MGMT: variants seen among roughly 807,000 people sequenced by gnomAD.
MGMT encodes the protein O-6-methylguanine-DNA methyltransferase.
In MGMT, 14 loss-of-function variants were observed where a neutral mutation model predicts 15.9. The observed-to-expected ratio is 0.88, with a 90% CI of 0.58 to 1.37. The LOEUF (loss-of-function observed/expected upper bound fraction) is 1.37. Among genes scored for constraint, MGMT ranks in the 40% most tolerant of loss-of-function variants. The probability of loss-of-function intolerance (pLI) is 0.00; values close to 1 mark genes in which losing one functional copy is unlikely to be tolerated. For missense variants in MGMT, 282 were observed against 268.1 expected (o/e 1.05, Z -0.36); for synonymous variants, 130 against 118.2 (o/e 1.10, Z -0.65).
chr10:129,597,495 G>A (rs1240367095), intron 2 of MGMT, among the ~76,000 whole-genome samples: 4 of 151,966 alleles, frequency 2.6e-5, no homozygotes, highest in Admixed American at 6.6e-5. Flanking sequence ...CAAAAAAAAA[G>A]ACAAGCATCA....
At position 129,556,089 on chromosome 10, in the gene MGMT, A is replaced by C. The variant is rs755532163; in HGVS notation, c.125+19712A>C. Among the ~76,000 whole-genome samples, 2 of 152,140 alleles carry C rather than the reference A, an allele frequency of 1.3e-5. No individual in the cohort carries two copies. The highest frequency in any genetic ancestry group is 2.9e-5 in the Non-Finnish European group (2 of 68,014). On this transcript the variant is annotated intron_variant, in intron 2 of 4. Coordinates refer to ENST00000651593, the MANE Select transcript of MGMT (RefSeq NM_002412.5). The surrounding 1 kb of genome is among the most constrained non-coding windows in gnomAD (Gnocchi z 4.3). ...TGTGTCTCCTCAGTTTACAGAGTCC[A>C]TGTTTTTGGTGACTCTTGCCTTGGA...
intron 2 of MGMT, among the ~76,000 whole-genome samples, chr10:129,554,419 T>G (rs1846190788): frequency 6.6e-6 from 1 of 152,254 alleles, no homozygotes; most frequent in Admixed American, 6.5e-5. Context: ...TTCTGACATC[T>G]TTTTAAGCAT....
chr10:129,729,905 C>G (rs187443008), intron 3 of MGMT, among the ~76,000 whole-genome samples: 2 of 152,290 alleles, frequency 1.3e-5, no homozygotes, highest in Non-Finnish European at 2.9e-5. Flanking sequence ...CCACCCACCC[C>G]CTTAGATTTG....
intron 4 of MGMT, among the ~76,000 whole-genome samples, chr10:129,761,473 C>T (rs1006075606): frequency 3.9e-5 from 6 of 152,240 alleles, no homozygotes; most frequent in Non-Finnish European, 8.8e-5. Context: ...TCTCACTCTG[C>T]AGTGGAGATG....
chr10:129,749,443 G>A lies in MGMT; in HGVS notation c.275-9759G>A, dbSNP rs146419362. On this transcript the variant is annotated intron_variant, in intron 3 of 4. Coordinates refer to ENST00000651593, the MANE Select transcript of MGMT (RefSeq NM_002412.5). ...TAGCAATATACATTTAGTTTTCTCCGTGTCTTCTGCATAGCTCATTTTTTT... is the reference window on the plus strand; with the variant it reads ...TAGCAATATACATTTAGTTTTCTCCATGTCTTCTGCATAGCTCATTTTTTT... Among the ~76,000 whole-genome samples the A allele has an allele frequency of 3.6e-3, 551 of 152,136 alleles. 4 individuals are homozygous for A. Among genetic ancestry groups the A allele is most frequent in the African/African-American group, 0.013 (520 of 41,488 alleles).
chr10:129,521,807 G>A (rs1014773077), intron 1 of MGMT, among the ~76,000 whole-genome samples: 9 of 152,246 alleles, frequency 5.9e-5, no homozygotes, highest in Admixed American at 6.5e-5. Context: ...GGGGGCCGCA[G>A]CTGAGGCCTG....
At chr10:129,683,807 T>C (rs1847878420) in intron 2 of MGMT, among the ~76,000 whole-genome samples, 2 of 152,218 alleles carry the variant, frequency 1.3e-5, no homozygotes, top group Non-Finnish European at 2.9e-5. Flanking sequence ...AGGAAAGCCC[T>C]CTGGAGATTT....
intron 1 of MGMT, among the ~76,000 whole-genome samples, chr10:129,512,900 G>A (rs1014750195): frequency 7.0e-6 from 1 of 143,460 alleles, no homozygotes; most frequent in Admixed American, 7.0e-5. Context: ...TACCCCTAAG[G>A]ACATACCCCC....
chr10:129,616,937 C>G (rs1564738371), intron 2 of MGMT, among the ~76,000 whole-genome samples: 1 of 152,108 alleles, frequency 6.6e-6, no homozygotes, highest in Non-Finnish European at 1.5e-5. Flanking sequence ...CTTTATTGAG[C>G]AAATTCATAA....
chr10:129,578,037 G>A (rs2133044320), intron 2 of MGMT, among the ~76,000 whole-genome samples: 1 of 152,290 alleles, frequency 6.6e-6, no homozygotes, highest in South Asian at 2.1e-4. Context: ...GAAACAACAG[G>A]TGCTGGAGAG....
intron 2 of MGMT, among the ~76,000 whole-genome samples, chr10:129,621,872 A>T (rs1847094666): frequency 6.6e-6 from 1 of 152,224 alleles, no homozygotes; most frequent in Non-Finnish European, 1.5e-5. Context: ...CCTGCATGTA[A>T]GTAGAGCTAT....
At chr10:129,649,042 C>T (rs556857478) in intron 2 of MGMT, among the ~76,000 whole-genome samples, 1 of 152,298 alleles carries the variant, frequency 6.6e-6, no homozygotes, top group Admixed American at 6.5e-5. Context: ...TTTCCTGTGG[C>T]TGTGGGATTT....
chr10:129,708,905 G>A (rs1372402653), intron 3 of MGMT, among the ~76,000 whole-genome samples: 4 of 152,170 alleles, frequency 2.6e-5, no homozygotes, highest in Non-Finnish European at 5.9e-5. Flanking sequence ...AATTGCTGCG[G>A]TGCTTCTCAG....
At chr10:129,594,750 T>C (rs1475860267) in intron 2 of MGMT, among the ~76,000 whole-genome samples, 1 of 152,212 alleles carries the variant, frequency 6.6e-6, no homozygotes, top group African/African-American at 2.4e-5. Context: ...ATCTCTCTCC[T>C]ACCACAGATA....
intron 2 of MGMT, among the ~76,000 whole-genome samples, chr10:129,632,304 T>C (rs1414320690): frequency 6.6e-6 from 1 of 152,202 alleles, no homozygotes; most frequent in African/African-American, 2.4e-5. Flanking sequence ...GTGGATTGCA[T>C]GTGGGCGCCT....
At chr10:129,599,496 C>G (rs564007263) in intron 2 of MGMT, among the ~76,000 whole-genome samples, 1 of 152,198 alleles carries the variant, frequency 6.6e-6, no homozygotes, top group African/African-American at 2.4e-5. Context: ...CATTTATCAT[C>G]CCTTCGAGGC....
intron 1 of MGMT, among the ~76,000 whole-genome samples, chr10:129,524,482 T>C (rs907933887): frequency 6.6e-6 from 1 of 151,902 alleles, no homozygotes; most frequent in African/African-American, 2.4e-5. Flanking sequence ...TCTCTTCATA[T>C]AGATTTTTCT....
intron 2 of MGMT, among the ~76,000 whole-genome samples, chr10:129,592,513 G>T (rs537962607): frequency 8.5e-5 from 13 of 152,294 alleles, no homozygotes; most frequent in African/African-American, 3.1e-4. Context: ...CAAAATGCAG[G>T]CTAGGTGAAT....
intron 2 of MGMT, among the ~76,000 whole-genome samples, chr10:129,625,729 G>C (rs1276362089): frequency 4.0e-4 from 1 of 2,494 alleles, no homozygotes; most frequent in African/African-American, 4.3e-4. Flanking sequence ...GTGCACACGT[G>C]TGTGTGCGTG....
Sources: gnomAD v4.1 joint callset for allele counts (sites outside exome capture counted in the v4.1 genomes callset) on GRCh38, gnomAD v4.1.1 for gene constraint, Gnocchi (gnomAD v3.1) non-coding constraint, MANE v1.5 for transcripts, NCBI Gene and HGNC (gene_info 2026-07-23, HGNC 2026-07-21) for gene names.